Variants in EYS observed in about 807,000 individuals in gnomAD.
The protein encoded by EYS is EGF-like photoreceptor maintenance factor.
EYS carries 250 observed loss-of-function variants against 282.1 expected under a neutral mutation model. That is an observed-to-expected ratio of 0.89 (90% CI 0.80 to 0.98). EYS has a LOEUF of 0.98. Among genes scored for constraint, EYS ranks in the 50% least tolerant of loss-of-function variants. The pLI is 0.00. For missense variants in EYS, 4,016 were observed against 3,709.0 expected (o/e 1.08, Z -2.15); for synonymous variants, 1,355 against 1,282.9 (o/e 1.06, Z -1.20).
At chr6:65,118,146 G>A (rs1054789287) in intron 12 of EYS, among the ~76,000 whole-genome samples, 7 of 152,150 alleles carry the variant, frequency 4.6e-5, no homozygotes, top group Non-Finnish European at 1.0e-4. Flanking sequence ...GTGTTTTGAG[G>A]TTTTGGTCTC....
At chr6:65,250,109 T>C (rs929806966) in intron 12 of EYS, among the ~76,000 whole-genome samples, 5 of 151,962 alleles carry the variant, frequency 3.3e-5, no homozygotes, top group Non-Finnish European at 7.4e-5. Context: ...GTGGAAAATA[T>C]TGAAATTGAA....
At chr6:64,970,516 C>A (rs1483909185) in intron 14 of EYS, among the ~76,000 whole-genome samples, 1 of 152,078 alleles carries the variant, frequency 6.6e-6, no homozygotes, top group Non-Finnish European at 1.5e-5. Context: ...AATTTTATAA[C>A]CACCTCCTGT....
intron 12 of EYS, among the ~76,000 whole-genome samples, chr6:65,193,676 A>G (rs1765696613): frequency 6.6e-6 from 1 of 151,662 alleles, no homozygotes. Context: ...AGAGCTTCGT[A>G]AGGAACAAAA....
chr6:65,641,888 C>G lies in EYS; in HGVS notation c.-447-1996G>C, dbSNP rs577232547. On this transcript the variant is annotated intron_variant, in intron 1 of 42. Coordinates refer to ENST00000503581, the MANE Select transcript of EYS (RefSeq NM_001142800.2). The stretch of plus-strand genomic sequence containing the variant: ...TTCTTCTGCCTTGACCTCCTGGGCT[C>G]TAGTGGTCTTTCTGGCCTGGAATTA... 2.0e-5 allele frequency among the ~76,000 whole-genome samples: 3 copies of G among 152,226 alleles called. No individual in the cohort carries two copies. The South Asian group carries it at 6.2e-4, about 32-fold the overall frequency.
intron 29 of EYS, among the ~76,000 whole-genome samples, chr6:64,369,028 T>C (rs1397817314): frequency 2.0e-5 from 3 of 152,138 alleles, no homozygotes; most frequent in African/African-American, 7.2e-5. Flanking sequence ...AGGGATTTTA[T>C]AGTTTGAGGG....
intron 12 of EYS, among the ~76,000 whole-genome samples, chr6:65,231,951 A>G (rs1487963819): frequency 2.0e-5 from 3 of 151,972 alleles, no homozygotes; most frequent in Admixed American, 6.6e-5. Context: ...TAGTGAATCC[A>G]ATCTATATGC....
chr6:63,871,563 G>A (rs536241643), intron 35 of EYS, among the ~76,000 whole-genome samples: 3 of 152,238 alleles, frequency 2.0e-5, no homozygotes, highest in Admixed American at 2.0e-4. Flanking sequence ...TCAGGAGGCT[G>A]AGGTGGGAGA....
intron 24 of EYS, among the ~76,000 whole-genome samples, chr6:64,607,813 G>T (rs1766983639): frequency 1.3e-5 from 2 of 152,086 alleles, no homozygotes; most frequent in South Asian, 4.1e-4. Context: ...TGGATATAGG[G>T]TTTGTATTCA....
intron 13 of EYS, among the ~76,000 whole-genome samples, chr6:64,999,905 A>T (rs554893592): frequency 1.3e-5 from 2 of 152,226 alleles, no homozygotes; most frequent in South Asian, 4.1e-4. Flanking sequence ...AGCTACTTCC[A>T]CCCAGTAAAA....
rs1582198484 is a variant in EYS, at chr6:63,779,113, C to T, written c.7724-933G>A. The T allele has an allele frequency of 2.0e-5, 3 of 148,018 alleles. No homozygotes were observed. In the South Asian group the frequency reaches 6.5e-4, roughly 32 times the overall value. 9.2% of individuals were successfully genotyped at this position (148,018 alleles called of 1,614,324 possible). A position where few individuals can be genotyped will look rare whatever the true frequency, so the allele number is the denominator to read the frequency against. ...GTAAAGAAGTTTATGTTTATGTTGT[C>T]ACATTTTTCTCTTTTTTCTTTCAGA... On this transcript the variant is annotated intron_variant, in intron 39 of 42. Coordinates refer to ENST00000503581, the MANE Select transcript of EYS (RefSeq NM_001142800.2).
At chr6:64,755,515 C>T (rs971927689) in intron 22 of EYS, among the ~76,000 whole-genome samples, 1 of 151,188 alleles carries the variant, frequency 6.6e-6, no homozygotes, top group African/African-American at 2.4e-5. Flanking sequence ...CACACACACA[C>T]ACACACACAC....
At chr6:65,229,856 G>A (rs554813542) in intron 12 of EYS, among the ~76,000 whole-genome samples, 1 of 152,062 alleles carries the variant, frequency 6.6e-6, no homozygotes, top group African/African-American at 2.4e-5. Flanking sequence ...CTCCTTTATT[G>A]TGAGGTAATA....
chr6:64,830,254 A>T (rs778690477), intron 19 of EYS, among the ~76,000 whole-genome samples: 4 of 151,992 alleles, frequency 2.6e-5, no homozygotes, highest in Middle Eastern at 6.8e-3. Context: ...TATCCTCTAG[A>T]CCTATAAGAA....
At chr6:64,456,318 G>A (rs1378896752) in intron 26 of EYS, among the ~76,000 whole-genome samples, 1 of 151,914 alleles carries the variant, frequency 6.6e-6, no homozygotes, top group Non-Finnish European at 1.5e-5. Context: ...ATATTAATTT[G>A]GTACCTTAAT....
chr6:65,392,675 G>A (rs1178333851), intron 7 of EYS, among the ~76,000 whole-genome samples: 1 of 152,008 alleles, frequency 6.6e-6, no homozygotes, highest in Admixed American at 6.6e-5. Context: ...GGAAACAACA[G>A]GTAATGGAGA....
chr6:65,273,678 C>A (rs1767964801), intron 12 of EYS, among the ~76,000 whole-genome samples: 1 of 152,174 alleles, frequency 6.6e-6, no homozygotes, highest in African/African-American at 2.4e-5. Context: ...TGCAATGCAG[C>A]TACAAGGTCA....
chr6:65,620,206 C>T (rs947908539), intron 2 of EYS, among the ~76,000 whole-genome samples: 1 of 152,136 alleles, frequency 6.6e-6, no homozygotes, highest in Non-Finnish European at 1.5e-5. Flanking sequence ...GGTTGGTAAG[C>T]TATTGATCAT....
rs538885410 is a variant in EYS, at chr6:64,534,394, C to T, written c.5644+55829G>A. On this transcript the variant is annotated intron_variant, in intron 26 of 42. Coordinates refer to ENST00000503581, the MANE Select transcript of EYS (RefSeq NM_001142800.2). ...AAATATAAATCTGTTCTATGTGAAA[C>T]GAACAAATGAATAAAATAATAGCAT... 1.8e-4 allele frequency among the ~76,000 whole-genome samples: 27 copies of T among 151,820 alleles called. No homozygotes were observed. The South Asian group carries it at 3.5e-3, about 20-fold the overall frequency.
intron 14 of EYS, among the ~76,000 whole-genome samples, chr6:64,987,036 T>C (rs1384339511): frequency 1.3e-5 from 2 of 151,530 alleles, no homozygotes; most frequent in South Asian, 2.1e-4. Flanking sequence ...TAGAGGTCTA[T>C]ATCCTTAGGA....
Sources: gnomAD v4.1 joint callset for allele counts (sites outside exome capture counted in the v4.1 genomes callset) on GRCh38, gnomAD v4.1.1 for gene constraint, MANE v1.5 for transcripts, NCBI Gene and HGNC (gene_info 2026-07-23, HGNC 2026-07-21) for gene names.